MFAP1: variants seen among roughly 807,000 people sequenced by gnomAD.
MFAP1 encodes the protein microfibril associated protein 1, also known as microfibrillar-associated protein 1.
MFAP1 carries 18 observed loss-of-function variants against 62.2 expected under a neutral mutation model. The observed-to-expected ratio is 0.29, with a 90% confidence interval of 0.20 to 0.43. MFAP1 has a LOEUF of 0.43. MFAP1 is among the 20% of genes least tolerant of loss of function. The pLI is 1.00. For missense variants in MFAP1, 355 were observed against 559.7 expected, an observed-to-expected ratio of 0.63 and a Z score of 3.69; for synonymous variants, 175 against 180.4, an observed-to-expected ratio of 0.97 and a Z score of 0.24.
intron 1 of MFAP1, among the ~76,000 whole-genome samples, chr15:43,819,364 ACTCCTGGC>A (rs559829066): frequency 6.6e-6 from 1 of 152,088 alleles, no homozygotes; most frequent in South Asian, 2.1e-4. Context: ...CTGGCCTTGG[ACTCCTGGC>A]CTCAAGTGAT....
In MFAP1 at chr15:43,812,983, T is replaced by G. The variant is rs1293669269; in HGVS notation, c.887+4A>C. 2 of 1,614,004 alleles carry G rather than the reference T, an allele frequency of 1.2e-6. No homozygotes were observed. Among genetic ancestry groups the G allele is most frequent in the African/African-American group, 2.7e-5 (2 of 75,056 alleles). ...ATTAACTCTAGGCTCATCTTTTTAC[T>G]CACGCTTCTCGATCTTCTCTGTCCC... On this transcript the variant is annotated splice_donor_region_variant and intron_variant, in intron 6 of 8. Transcript: ENST00000267812.
At chr15:43,810,904 G>A (rs1470714548) in intron 6 of MFAP1, among the ~76,000 whole-genome samples, 1 of 151,670 alleles carries the variant, frequency 6.6e-6, no homozygotes, top group Non-Finnish European at 1.5e-5. Flanking sequence ...TTACAGGTGT[G>A]TGCCACCATG....
At chr15:43,823,295 G>C (rs1266928475) in intron 1 of MFAP1, among the ~76,000 whole-genome samples, 1 of 151,730 alleles carries the variant, frequency 6.6e-6, no homozygotes, top group East Asian at 1.9e-4. Context: ...AAATTCTTAT[G>C]TTCTTATAAC....
chr15:43,809,278 C>T (rs184364867), intron 7 of MFAP1, among the ~76,000 whole-genome samples: 127 of 148,984 alleles, frequency 8.5e-4, no homozygotes, highest in African/African-American at 3.1e-3. Context: ...AGAAGGTCAA[C>T]ACCAGCCTGG....
At position 43,824,598 on chromosome 15, in the gene MFAP1, A is replaced by G. The variant is rs1304613707; in HGVS notation, c.-29T>C. The G allele has an allele frequency of 6.2e-7, 1 of 1,613,294 alleles. No homozygotes were observed. Among genetic ancestry groups the G allele is most frequent in the Non-Finnish European group, 8.5e-7 (1 of 1,179,188 alleles). On this transcript the variant is annotated 5_prime_UTR_variant, in exon 1 of 9. Transcript: ENST00000267812. ...GATGGCAGCGACGGTGATTCCCGAA[A>G]CTTGACTAATTCCAAACAGTGAACA...
chr15:43,824,646 G>T lies in MFAP1; in HGVS notation c.-77C>A, dbSNP rs1285538007. The T allele has an allele frequency of 4.1e-6, 6 of 1,479,464 alleles. No individual in the cohort carries two copies. Among genetic ancestry groups the T allele is most frequent in the Non-Finnish European group, 5.7e-6 (6 of 1,060,476 alleles). The allele number at this position is 1,479,464 out of a possible 1,614,324, so 91.6% of individuals were successfully genotyped here. On this transcript the variant is annotated 5_prime_UTR_variant, in exon 1 of 9. Transcript: ENST00000267812. ...ACACCAGCAACGTCAACGAAGAGAA[G>T]AAATTCCTTCCACCTGAGTCCGCGA... is the stretch of plus-strand genomic sequence containing the variant.
rs2087425363 is a variant in MFAP1, at chr15:43,815,033, C to T, written c.341G>A (p.Gly114Glu). The T allele has an allele frequency of 2.5e-6, 4 of 1,614,220 alleles. No homozygotes were observed. The highest frequency in any genetic ancestry group is 3.4e-6 in the Non-Finnish European group (4 of 1,180,046). Residue 114 changes from glycine (G) to glutamate (E), a missense_variant, in exon 3 of 9, where the codon GGA (glycine) becomes GAA (glutamate). Physicochemically the swap from Gly to Glu is moderately conservative, Grantham distance 98. This residue lies in a region of MFAP1 where 257 missense variants were observed against 341.3 expected (regional missense o/e 0.75). Transcript: ENST00000267812. ...HRKIVEPEVV[G>E]ESDSEVEGDA... is the part of the protein sequence containing the mutation. ...TCCTTCTACTTCTGAGTCACTCTCT[C>T]CTACCACTTCAGGTTCCACTATTTT...
At chr15:43,805,351 G>C (rs780302976) in intron 8 of MFAP1, 25 bp downstream of exon 8, 176 of 1,606,084 alleles carry the variant, frequency 1.1e-4, no homozygotes, top group Non-Finnish European at 1.4e-4. Context: ...ACTTTTCTCT[G>C]TCATGTTATT....
At chr15:43,812,314 G>A (rs972269439) in intron 6 of MFAP1, among the ~76,000 whole-genome samples, 7 of 152,142 alleles carry the variant, frequency 4.6e-5, no homozygotes, top group Non-Finnish European at 8.8e-5. Flanking sequence ...CTCTGCAGAG[G>A]TGGAGTCTGT....
intron 1 of MFAP1, among the ~76,000 whole-genome samples, chr15:43,817,763 T>C (rs1259848399): frequency 6.6e-6 from 1 of 152,138 alleles, no homozygotes; most frequent in East Asian, 1.9e-4. Context: ...CCATCACAAA[T>C]TCATGGTATC....
intron 4 of MFAP1, 60 bp downstream of exon 4, chr15:43,814,441 G>C: frequency 6.6e-7 from 1 of 1,506,686 alleles, no homozygotes; most frequent in South Asian, 1.3e-5. Context: ...ACAGACTTTT[G>C]TCTCCAGGCC....
Position 43,817,378 on chromosome 15 carries a change from C to T in MFAP1, c.150G>A (p.Met50Ile). 6.2e-7 allele frequency: 1 copy of T among 1,614,110 alleles called. No homozygotes were observed. Among genetic ancestry groups the T allele is most frequent in the African/African-American group, 1.3e-5 (1 of 75,008 alleles). The change falls in exon 2 of 9, where the codon ATG (methionine) becomes ATA (isoleucine). Residue 50 changes from methionine (M) to isoleucine (I), a missense_variant. Around this residue, in one of 6 missense-constraint regions of MFAP1, gnomAD observed 257 missense variants for 341.3 expected, o/e 0.75. Coordinates refer to ENST00000267812, the MANE Select transcript of MFAP1 (RefSeq NM_005926.3). ...VSGKRPDYAP[M>I]ESSDEEDEEF... ...CTTCATCCTCCTCATCTGAGGACTC[C>T]ATAGGGGCATAGTCTGGCCTTTTTC...
intron 7 of MFAP1, among the ~76,000 whole-genome samples, chr15:43,805,960 T>C (rs1205704870): frequency 6.6e-6 from 1 of 150,906 alleles, no homozygotes; most frequent in East Asian, 1.9e-4. Flanking sequence ...TTTTTTTTTT[T>C]TTTCCCTGAG....
At chr15:43,813,178 T>A in intron 5 of MFAP1, 31 bp from the exon 6 acceptor site, 1 of 1,614,066 alleles carries the variant, frequency 6.2e-7, no homozygotes, top group Non-Finnish European at 8.5e-7. Flanking sequence ...AGCTTGGACT[T>A]CCTTACTCTC....
At chr15:43,819,553 T>C (rs986967086) in intron 1 of MFAP1, among the ~76,000 whole-genome samples, 5 of 152,234 alleles carry the variant, frequency 3.3e-5, no homozygotes, top group Admixed American at 6.5e-5. Flanking sequence ...TTTTTTGAGA[T>C]GGAGTCTCGC....
chr15:43,824,123 GAT>G (rs1430298746), intron 1 of MFAP1, among the ~76,000 whole-genome samples: 1 of 150,976 alleles, frequency 6.6e-6, no homozygotes, highest in Non-Finnish European at 1.5e-5. Context: ...TGTAATTAGT[GAT>G]ATTATATTCT....
At chr15:43,822,340 T>C (rs1209022349) in intron 1 of MFAP1, among the ~76,000 whole-genome samples, 1 of 151,994 alleles carries the variant, frequency 6.6e-6, no homozygotes, top group Non-Finnish European at 1.5e-5. Flanking sequence ...ATGATGAATA[T>C]ATGGGAAATA....
chr15:43,805,904 G>A (rs1043590360), intron 7 of MFAP1, among the ~76,000 whole-genome samples: 1 of 151,268 alleles, frequency 6.6e-6, no homozygotes, highest in Non-Finnish European at 1.5e-5. Context: ...GAACCACTGC[G>A]CCCGGCCGAG....
In MFAP1 at chr15:43,824,484, A is replaced by C; in HGVS notation, c.79+7T>G. The C allele has an allele frequency of 1.2e-6, 2 of 1,614,032 alleles. No homozygotes were observed. Among genetic ancestry groups the C allele is most frequent in the South Asian group, 1.1e-5 (1 of 91,074 alleles). ...ATTCGACTGGGAAGAGGGTGTTAGC[A>C]CCGTACCTTTCTCATTGCGAACTGG... On this transcript the variant is annotated splice_region_variant and intron_variant, in intron 1 of 8. Coordinates refer to ENST00000267812, the MANE Select transcript of MFAP1 (RefSeq NM_005926.3).
Sources: gnomAD v4.1 joint callset for allele counts (sites outside exome capture counted in the v4.1 genomes callset) on GRCh38, gnomAD v4.1.1 for gene constraint, gnomAD v4.1.1 regional missense constraint, MANE v1.5 for transcripts, NCBI Gene and HGNC (gene_info 2026-07-23, HGNC 2026-07-21) for gene names.